Variants in POT1 observed in about 807,000 individuals in gnomAD.
POT1 encodes the protein protection of telomeres protein 1.
A neutral mutation model predicts 78.5 loss-of-function variants in POT1; 47 were observed. The ratio of observed to expected loss-of-function variants is 0.60; its 90% confidence interval spans 0.47 to 0.76. The LOEUF (loss-of-function observed/expected upper bound fraction) is 0.76, where lower values mean the gene tolerates loss of function less well. Ranked by LOEUF, POT1 falls within the 30% of genes least tolerant of loss-of-function variation. The probability of loss-of-function intolerance (pLI) is 0.00; values close to 1 mark genes in which losing one functional copy is unlikely to be tolerated. For synonymous variants in POT1, 259 were observed against 260.7 expected, an observed-to-expected ratio of 0.99 and a Z score of 0.06; for missense variants, 646 against 749.9, an observed-to-expected ratio of 0.86 and a Z score of 1.62.
chr7:124,844,375 C>T (rs1413285246), intron 12 of POT1, among the ~76,000 whole-genome samples: 6 of 150,574 alleles, frequency 4.0e-5, no homozygotes, highest in South Asian at 4.2e-4. Context: ...GTGATCTGCC[C>T]GCCTCGGCCT....
Position 124,870,991 on chromosome 7 carries a change from A to C in POT1, c.175T>G (p.Cys59Gly), listed in dbSNP as rs1418472108. Residue 59 changes from cysteine to glycine, a missense_variant, in exon 7 of 19, where the codon TGC (cysteine) becomes GGC (glycine). This residue lies in a region of POT1 where 252 missense variants were observed against 341.4 expected (regional missense o/e 0.74). Coordinates refer to ENST00000357628, the MANE Select transcript of POT1 (RefSeq NM_015450.3). Reference protein sequence around the residue: ...IVDQTNVKLTCLLFSGNYEAL... With the variant: ...IVDQTNVKLTGLLFSGNYEAL... ...TCATAGTTTCCACTAAAGAGCAGGC[A>C]AGTTAGTTTTACATTTGTCTGGTCC... is the stretch of plus-strand genomic sequence containing the variant. The C allele has an allele frequency of 1.2e-6, 2 of 1,610,636 alleles. No individual in the cohort carries two copies. The highest frequency in any genetic ancestry group is 1.7e-6 in the Non-Finnish European group (2 of 1,177,886).
In POT1 at chr7:124,920,346, T is replaced by C. The variant is rs533806978; in HGVS notation, c.-226-4700A>G. On this transcript the variant is annotated intron_variant, in intron 2 of 18. Transcript: ENST00000357628. ...ATGCAAAAGGCTACATGCTGTATAA[T>C]GCCATTTATATGACATTCTTGAAAA... Among the ~76,000 whole-genome samples, 24 of 152,288 alleles carry C rather than the reference T, an allele frequency of 1.6e-4. 1 individual carries two copies. The highest frequency in any genetic ancestry group is 2.4e-4 in the Non-Finnish European group (16 of 68,018).
At chr7:124,873,496 T>C (rs1795918250) in intron 6 of POT1, among the ~76,000 whole-genome samples, 1 of 152,220 alleles carries the variant, frequency 6.6e-6, no homozygotes, top group African/African-American at 2.4e-5. Flanking sequence ...TTGAATTTGG[T>C]TTGCTAGTAT....
chr7:124,823,954 T>C lies in POT1; in HGVS notation c.*8A>G. The C allele has an allele frequency of 2.0e-6, 3 of 1,515,308 alleles. No homozygotes were observed. The highest frequency in any genetic ancestry group is 2.7e-6 in the Non-Finnish European group (3 of 1,094,038). The allele number at this position is 1,515,308 out of a possible 1,614,324, so 93.9% of individuals were successfully genotyped here. Reference sequence around the variant, plus strand: ...AACATTTTATGTATGCTAAATTGGATGGCAATATTAGATTACATCTTCTGC... The same window carrying C: ...AACATTTTATGTATGCTAAATTGGACGGCAATATTAGATTACATCTTCTGC... On this transcript the variant is annotated 3_prime_UTR_variant, in exon 19 of 19. Transcript: ENST00000357628.
At chr7:124,858,335 A>C (rs1413868249) in intron 9 of POT1, among the ~76,000 whole-genome samples, 1 of 152,162 alleles carries the variant, frequency 6.6e-6, no homozygotes, top group African/African-American at 2.4e-5. Context: ...TTTACTACAA[A>C]AAGTACTTTC....
chr7:124,882,613 A>G (rs1435172354), intron 6 of POT1, among the ~76,000 whole-genome samples: 1 of 152,016 alleles, frequency 6.6e-6, no homozygotes, highest in East Asian at 1.9e-4. Flanking sequence ...GTGGAGTTTT[A>G]CTTCCATGTT....
rs145784212 is a variant in POT1, at chr7:124,863,136, A to G, written c.546+214T>C. On this transcript the variant is annotated intron_variant, in intron 8 of 18. Transcript: ENST00000357628. ...ATACTATATTTAACATGTAGATCTA[A>G]TAACACTATATTTCTCTGGAAGGAA... is the stretch of plus-strand genomic sequence containing the variant. 7.7e-3 allele frequency among the ~76,000 whole-genome samples: 1,173 copies of G among 152,152 alleles called. 24 individuals carry two copies. Among genetic ancestry groups the G allele is most frequent in the African/African-American group, 0.026 (1,099 of 41,524 alleles).
In POT1 at chr7:124,893,673, C is replaced by T. The variant is rs111364158; in HGVS notation, c.10-1293G>A. Among the ~76,000 whole-genome samples, 1,170 of 151,612 alleles carry T rather than the reference C, an allele frequency of 7.7e-3. 22 individuals carry two copies. Among genetic ancestry groups the T allele is most frequent in the African/African-American group, 0.026 (1,095 of 41,500 alleles). On this transcript the variant is annotated intron_variant, in intron 5 of 18. Coordinates refer to ENST00000357628, the MANE Select transcript of POT1 (RefSeq NM_015450.3). ...TTCCATCACATTCATCATACTAACTCCACCTGAATTTGCACATGCAACCCA... is the reference window on the plus strand; with the variant it reads ...TTCCATCACATTCATCATACTAACTTCACCTGAATTTGCACATGCAACCCA...
chr7:124,871,058 T>C lies in POT1; in HGVS notation c.125-17A>G. 2 of 1,553,510 alleles carry C rather than the reference T, an allele frequency of 1.3e-6. No homozygotes were observed. The highest frequency in any genetic ancestry group is 1.7e-6 in the Non-Finnish European group (2 of 1,149,020). ...AGCAATAATCTGGAAAACACAAAAA[T>C]ATTTTACCTGACTTTCAATATTTTA... On this transcript the variant is annotated splice_polypyrimidine_tract_variant and intron_variant, in intron 6 of 18. Transcript: ENST00000357628.
intron 16 of POT1, among the ~76,000 whole-genome samples, chr7:124,827,812 G>A (rs563258051): frequency 6.6e-6 from 1 of 152,052 alleles, no homozygotes; most frequent in East Asian, 1.9e-4. Context: ...TCACCTGGGC[G>A]GATCTTGAGG....
At chr7:124,828,323 G>T (rs1227792112) in intron 16 of POT1, among the ~76,000 whole-genome samples, 1 of 152,024 alleles carries the variant, frequency 6.6e-6, no homozygotes, top group East Asian at 1.9e-4. Context: ...GGTAAGATAA[G>T]GAAGAAATAA....
At position 124,877,840 on chromosome 7, in the gene POT1, C is replaced by CAAAAAAAA. The variant is rs201285982; in HGVS notation, c.125-6807_125-6800dup. The stretch of plus-strand genomic sequence containing the variant: ...TGGGCGACAGAGAGAGATTCTGTCT[C>CAAAAAAAA]AAAAAAAAAAAAAAAAAAAAAAAAA... On this transcript the variant is annotated intron_variant, in intron 6 of 18. Transcript: ENST00000357628. Among the ~76,000 whole-genome samples, 50 of 80,552 alleles carry CAAAAAAAA rather than the reference C, an allele frequency of 6.2e-4. 1 individual carries two copies. Among genetic ancestry groups the CAAAAAAAA allele is most frequent in the South Asian group, 1.5e-3 (4 of 2,656 alleles). 52.8% of individuals were successfully genotyped at this position (80,552 alleles called of 152,430 possible).
intron 6 of POT1, among the ~76,000 whole-genome samples, chr7:124,873,194 T>C (rs1173054989): frequency 6.6e-6 from 1 of 152,188 alleles, no homozygotes; most frequent in African/African-American, 2.4e-5. Context: ...TTTCACTGCC[T>C]GAGCTTTTGA....
At chr7:124,920,279 T>C (rs1337007209) in intron 2 of POT1, among the ~76,000 whole-genome samples, 1 of 151,954 alleles carries the variant, frequency 6.6e-6, no homozygotes, top group East Asian at 1.9e-4. Context: ...AAAAACAACC[T>C]GAAAGAATGT....
rs1351302431 is a variant in POT1, at chr7:124,827,222, T to C, written c.1678A>G (p.Met560Val). The C allele has an allele frequency of 2.0e-6, 3 of 1,499,150 alleles. No homozygotes were observed. Among genetic ancestry groups the C allele is most frequent in the Non-Finnish European group, 2.7e-6 (3 of 1,094,902 alleles). 92.9% of individuals were successfully genotyped at this position (1,499,150 alleles called of 1,614,324 possible). Residue 560 changes from methionine to valine, a missense_variant, in exon 17 of 19, where the codon ATG (methionine) becomes GTG (valine). By Grantham distance (21) the Met-to-Val change is conservative. Transcript: ENST00000357628. The stretch of plus-strand genomic sequence containing the variant: ...TTACCTCTGATACTTACAGAATCCA[T>C]GAGATAGGCTTCTAGTACTCCTGTT... ...DGTGVLEAYL[M>V]DSDKFFQIPA...
chr7:124,832,700 C>T (rs2116434438), intron 15 of POT1, among the ~76,000 whole-genome samples: 1 of 151,928 alleles, frequency 6.6e-6, no homozygotes, highest in Admixed American at 6.6e-5. Context: ...TGCCTGTAGT[C>T]CCAGCTACTC....
chr7:124,907,872 T>C (rs1796802598), intron 3 of POT1, among the ~76,000 whole-genome samples: 1 of 152,104 alleles, frequency 6.6e-6, no homozygotes, highest in Admixed American at 6.6e-5. Flanking sequence ...TTAAAAAGTA[T>C]ATCAGATTAT....
intron 3 of POT1, among the ~76,000 whole-genome samples, chr7:124,902,221 C>T (rs6466962): frequency 0.6 from 91,276 of 151,808 alleles, 27,571 homozygotes; most frequent in African/African-American, 0.65. Flanking sequence ...AGACACATAA[C>T]TGTCAGATTC....
intron 9 of POT1, 54 bp downstream of exon 9, chr7:124,858,903 A>C: frequency 1.4e-6 from 2 of 1,387,106 alleles, no homozygotes; most frequent in South Asian, 1.5e-5. Flanking sequence ...CATGAGCAAA[A>C]ATCACTATAA....
Sources: allele counts gnomAD v4.1 joint callset (sites outside exome capture counted in the v4.1 genomes callset), GRCh38; gene constraint gnomAD v4.1.1; regional missense constraint gnomAD v4.1.1; transcripts MANE v1.5; gene names NCBI Gene and HGNC (gene_info 2026-07-23, HGNC 2026-07-21).